Variants in IFT57 observed in about 807,000 individuals in gnomAD.
The protein encoded by IFT57 is intraflagellar transport protein 57 homolog.
In IFT57, 59 loss-of-function variants were observed where a neutral mutation model predicts 56.8. The ratio of observed to expected loss-of-function variants is 1.04; its 90% confidence interval spans 0.84 to 1.29. The LOEUF (loss-of-function observed/expected upper bound fraction) is 1.29, where lower values mean the gene tolerates loss of function less well. Ranked by LOEUF, IFT57 falls within the 50% of genes most tolerant of loss-of-function variation. The probability of loss-of-function intolerance (pLI) is 0.00; values close to 1 mark genes in which losing one functional copy is unlikely to be tolerated. For synonymous variants in IFT57, 209 were observed against 186.1 expected (o/e 1.12, Z -1.00); for missense variants, 470 against 522.1 (o/e 0.90, Z 0.97).
intron 4 of IFT57, among the ~76,000 whole-genome samples, chr3:108,207,950 G>A (rs2080322415): frequency 6.6e-6 from 1 of 152,008 alleles, no homozygotes; most frequent in Non-Finnish European, 1.5e-5. Flanking sequence ...GGCTGAGGCA[G>A]GAGAATAGCA....
At chr3:108,175,160 G>T (rs192261367) in intron 6 of IFT57, among the ~76,000 whole-genome samples, 79 of 151,686 alleles carry the variant, frequency 5.2e-4, no homozygotes, top group Non-Finnish European at 9.6e-4. Context: ...GTTCTTGCTG[G>T]GGTCTACTGG....
intron 5 of IFT57, among the ~76,000 whole-genome samples, chr3:108,204,008 A>G (rs553470072): frequency 2.0e-5 from 3 of 152,320 alleles, no homozygotes; most frequent in Middle Eastern, 3.4e-3. Flanking sequence ...TCCTAAAATA[A>G]TATTTCCTCT....
intron 7 of IFT57, 68 bp downstream of exon 7, chr3:108,167,725 G>T: frequency 1.9e-6 from 2 of 1,070,504 alleles, no homozygotes; most frequent in South Asian, 2.0e-5. Context: ...ATTCTTTCAT[G>T]TTCTCTTATA....
chr3:108,213,081 T>G (rs1417032796), intron 4 of IFT57, among the ~76,000 whole-genome samples: 1 of 152,240 alleles, frequency 6.6e-6, no homozygotes, highest in African/African-American at 2.4e-5. Flanking sequence ...AGTAACATTT[T>G]CTTTTCTCTA....
intron 3 of IFT57, among the ~76,000 whole-genome samples, chr3:108,215,316 C>T (rs976107162): frequency 1.3e-5 from 2 of 151,992 alleles, no homozygotes; most frequent in African/African-American, 4.8e-5. Context: ...AATCCCAGCA[C>T]TTTGGGAGGC....
In IFT57 at chr3:108,183,655, G is replaced by A. The variant is rs151143509; in HGVS notation, c.777+7866C>T. 3.9e-3 allele frequency among the ~76,000 whole-genome samples: 591 copies of A among 152,146 alleles called. 1 individual carries two copies. The highest frequency in any genetic ancestry group is 0.013 in the African/African-American group (538 of 41,528). On this transcript the variant is annotated intron_variant, in intron 6 of 10. Coordinates refer to ENST00000264538, the MANE Select transcript of IFT57 (RefSeq NM_018010.4). ...TGAGTCTTTGCCAAACACACATGAC[G>A]GTGGCTGACACCCTTGCTATACAGT...
intron 5 of IFT57, among the ~76,000 whole-genome samples, chr3:108,196,383 C>G (rs1251708411): frequency 6.6e-6 from 1 of 152,098 alleles, no homozygotes; most frequent in Non-Finnish European, 1.5e-5. Context: ...TAGGATTGTT[C>G]AAGTTGTGAA....
chr3:108,205,542 C>G (rs532189758), intron 5 of IFT57, among the ~76,000 whole-genome samples: 1 of 150,628 alleles, frequency 6.6e-6, no homozygotes, highest in African/African-American at 2.4e-5. Flanking sequence ...AGTATTGATG[C>G]CTTAGTATTA....
intron 5 of IFT57, among the ~76,000 whole-genome samples, chr3:108,192,133 C>T (rs778304587): frequency 1.6e-5 from 2 of 126,890 alleles, no homozygotes; most frequent in African/African-American, 6.0e-5. Context: ...GATCATGCTA[C>T]TGCACTACTC....
chr3:108,187,952 T>TTTA (rs1553741013), intron 6 of IFT57, among the ~76,000 whole-genome samples: 2 of 151,694 alleles, frequency 1.3e-5, no homozygotes, highest in African/African-American at 4.8e-5. Flanking sequence ...GTTTTTTTTT[T>TTTA]TTATACTTTA....
intron 6 of IFT57, among the ~76,000 whole-genome samples, chr3:108,174,555 T>G (rs1247711456): frequency 6.6e-6 from 1 of 151,866 alleles, no homozygotes. Context: ...CATCTCTTCT[T>G]ATACTTCTAC....
chr3:108,168,977 T>C (rs1203651143), intron 6 of IFT57, among the ~76,000 whole-genome samples: 2 of 152,002 alleles, frequency 1.3e-5, no homozygotes, highest in Non-Finnish European at 2.9e-5. Flanking sequence ...GTCTTTACAG[T>C]AAAATGACTT....
chr3:108,207,758 G>T (rs1315611783), intron 4 of IFT57, among the ~76,000 whole-genome samples: 1 of 152,078 alleles, frequency 6.6e-6, no homozygotes, highest in Non-Finnish European at 1.5e-5. Context: ...AAACTATGGG[G>T]GTTGGCCGGG....
chr3:108,215,350 C>T (rs1282921141), intron 3 of IFT57, among the ~76,000 whole-genome samples: 2 of 151,878 alleles, frequency 1.3e-5, no homozygotes, highest in Admixed American at 6.6e-5. Flanking sequence ...CTGTCTGAGA[C>T]CAGGAGTTTG....
In IFT57 at chr3:108,175,945, G is replaced by A. The variant is rs952925635; in HGVS notation, c.778-8081C>T. Among the ~76,000 whole-genome samples the A allele has an allele frequency of 4.4e-4, 66 of 151,690 alleles. 1 individual carries two copies. Among genetic ancestry groups the A allele is most frequent in the Non-Finnish European group, 1.5e-4 (10 of 67,828 alleles). On this transcript the variant is annotated intron_variant, in intron 6 of 10. Coordinates refer to ENST00000264538, the MANE Select transcript of IFT57 (RefSeq NM_018010.4). ...AAAAAACCCTCACCAGACCACAACT[G>A]ACTGTAGCAGTTCATGGAGGTCTAT...
At chr3:108,199,077 A>C (rs907349421) in intron 5 of IFT57, among the ~76,000 whole-genome samples, 1 of 152,216 alleles carries the variant, frequency 6.6e-6, no homozygotes, top group Non-Finnish European at 1.5e-5. Flanking sequence ...CTCATCTTAC[A>C]TAACTTTGGG....
chr3:108,215,305 T>A (rs142896568), intron 3 of IFT57, among the ~76,000 whole-genome samples: 46 of 152,292 alleles, frequency 3.0e-4, no homozygotes, highest in African/African-American at 1.1e-3. Context: ...CTCACATCTA[T>A]AATCCCAGCA....
chr3:108,221,982 C>A, intron 1 of IFT57, 129 bp downstream of exon 1: 1 of 1,481,348 alleles, frequency 6.8e-7, no homozygotes. Flanking sequence ...AAGTGCCCTT[C>A]CCTGGCTAGG....
intron 4 of IFT57, among the ~76,000 whole-genome samples, chr3:108,208,361 A>G (rs1024134033): frequency 6.6e-6 from 1 of 152,238 alleles, no homozygotes; most frequent in African/African-American, 2.4e-5. Flanking sequence ...CAATGACTCA[A>G]TGCTCATGGG....
Sources: gnomAD v4.1 joint callset for allele counts (sites outside exome capture counted in the v4.1 genomes callset) on GRCh38, gnomAD v4.1.1 for gene constraint, MANE v1.5 for transcripts, NCBI Gene and HGNC (gene_info 2026-07-23, HGNC 2026-07-21) for gene names.